STARD13: variants seen among roughly 807,000 people sequenced by gnomAD.
STARD13 encodes the protein StAR related lipid transfer domain containing 13.
A neutral mutation model predicts 106.4 loss-of-function variants in STARD13; 62 were observed. The ratio of observed to expected loss-of-function variants is 0.58; its 90% CI spans 0.48 to 0.72. STARD13 has a LOEUF of 0.72. Ranked by LOEUF, STARD13 falls within the 30% of genes least tolerant of loss-of-function variation. The pLI is 0.00. For synonymous variants in STARD13, 565 were observed against 553.0 expected, an observed-to-expected ratio of 1.02 and a Z score of -0.31; for missense variants, 1,387 against 1,424.0, an observed-to-expected ratio of 0.97 and a Z score of 0.42.
intron 3 of STARD13, among the ~76,000 whole-genome samples, chr13:33,154,419 C>T (rs911620956): frequency 4.6e-5 from 7 of 152,188 alleles, no homozygotes; most frequent in African/African-American, 1.7e-4. Flanking sequence ...AGGGCTCTAG[C>T]TATACAAAGA....
intron 10 of STARD13, among the ~76,000 whole-genome samples, chr13:33,111,215 GACA>G (rs1424465560): frequency 6.6e-6 from 1 of 152,170 alleles, no homozygotes; most frequent in Non-Finnish European, 1.5e-5. Flanking sequence ...TATGGGCTCA[GACA>G]ACTTTACCCA....
In STARD13 at chr13:33,110,936, C is replaced by T. The variant is rs1213845743; in HGVS notation, c.2608-29G>A. The T allele has an allele frequency of 6.3e-6, 10 of 1,583,546 alleles. No individual in the cohort carries two copies. In the South Asian group the frequency reaches 1.0e-4, roughly 16 times the overall value. On this transcript the variant is annotated intron_variant, in intron 10 of 13. Transcript: ENST00000336934. ...GACCAACGGATGCATGAAAGGGCAA[C>T]ACACTGAGCCAAAGAAACGCCGAGA...
At chr13:33,441,130 C>A in the STARD13 span, among the ~76,000 whole-genome samples, 9 of 152,108 alleles carry the variant, frequency 5.9e-5, no homozygotes, top group African/African-American at 2.2e-4. Flanking sequence ...TCAAAGATCA[C>A]CCATGACTCC....
At chr13:33,633,262 T>TGACCACA in the STARD13 span, among the ~76,000 whole-genome samples, 1 of 152,228 alleles carries the variant, frequency 6.6e-6, no homozygotes, top group African/African-American at 2.4e-5. Flanking sequence ...ATTCACTTGA[T>TGACCACA]ATCCTCTTTT....
the STARD13 span, among the ~76,000 whole-genome samples, chr13:33,465,269 G>T: frequency 1.4e-5 from 2 of 143,394 alleles, no homozygotes; most frequent in Admixed American, 1.4e-4. Flanking sequence ...GCAGTGGCGC[G>T]ATCTCGGCTC....
At chr13:33,233,348 T>A (rs1889021433) in intron 1 of STARD13, among the ~76,000 whole-genome samples, 1 of 152,204 alleles carries the variant, frequency 6.6e-6, no homozygotes, top group South Asian at 2.1e-4. Flanking sequence ...CTTTTTTGCA[T>A]ACTCACAAAC....
intron 1 of STARD13, among the ~76,000 whole-genome samples, chr13:33,266,046 A>G (rs1285768809): frequency 6.6e-6 from 1 of 152,144 alleles, no homozygotes; most frequent in African/African-American, 2.4e-5. Flanking sequence ...CCCTCATGGT[A>G]TTTTTCTGAG....
At chr13:33,443,478 GCA>G in the STARD13 span, among the ~76,000 whole-genome samples, 1 of 149,040 alleles carries the variant, frequency 6.7e-6, no homozygotes, top group Non-Finnish European at 1.5e-5. Context: ...AACACTAGAA[GCA>G]CACACTCTAT....
chr13:33,287,548 C>T (rs755167271), upstream of STARD13, among the ~76,000 whole-genome samples: 2 of 152,126 alleles, frequency 1.3e-5, no homozygotes, highest in African/African-American at 2.4e-5. Flanking sequence ...TCCATAGCAT[C>T]GTCTGTGGAA....
the STARD13 span, among the ~76,000 whole-genome samples, chr13:33,356,515 A>G: frequency 1.3e-5 from 2 of 152,198 alleles, no homozygotes; most frequent in Non-Finnish European, 2.9e-5. Context: ...GGTTCATACC[A>G]TGGCTCCGCA....
chr13:33,413,501 A>C, the STARD13 span, among the ~76,000 whole-genome samples: 1 of 152,186 alleles, frequency 6.6e-6, no homozygotes, highest in Admixed American at 6.5e-5. Context: ...ACAAACATTA[A>C]AATTAAAAAC....
chr13:33,145,717 T>C (rs1880438567), intron 3 of STARD13, among the ~76,000 whole-genome samples: 1 of 152,174 alleles, frequency 6.6e-6, no homozygotes, highest in South Asian at 2.1e-4. Context: ...CATACAACAC[T>C]ATACATGAAT....
intron 1 of STARD13, among the ~76,000 whole-genome samples, chr13:33,248,440 A>G (rs952491709): frequency 6.6e-6 from 1 of 152,232 alleles, no homozygotes; most frequent in Non-Finnish European, 1.5e-5. Context: ...CTGGAAGTCT[A>G]TGGCGATCCT....
the STARD13 span, among the ~76,000 whole-genome samples, chr13:33,521,850 A>G: frequency 6.6e-6 from 1 of 152,174 alleles, no homozygotes; most frequent in African/African-American, 2.4e-5. Context: ...CTACAAAAAC[A>G]AAGAAACAAG....
At chr13:33,502,156 G>A in the STARD13 span, among the ~76,000 whole-genome samples, 1 of 152,082 alleles carries the variant, frequency 6.6e-6, no homozygotes, top group Non-Finnish European at 1.5e-5. Flanking sequence ...ATTGTGAATG[G>A]GAGTTAACTC....
the STARD13 span, among the ~76,000 whole-genome samples, chr13:33,668,744 T>A: frequency 6.6e-6 from 1 of 152,204 alleles, no homozygotes; most frequent in Non-Finnish European, 1.5e-5. Flanking sequence ...GTCCTACCTT[T>A]TGTTACAGGG....
chr13:33,138,774 C>T (rs376477831), intron 4 of STARD13: 13 of 444,794 alleles, frequency 2.9e-5, no homozygotes, highest in African/African-American at 8.1e-5. Flanking sequence ...TCCAGTGAGG[C>T]GTGCAGCTAA....
the STARD13 span, among the ~76,000 whole-genome samples, chr13:33,506,466 G>C: frequency 5.4e-3 from 824 of 152,274 alleles, 46 homozygotes; most frequent in East Asian, 0.12. Context: ...TAGAAAATTT[G>C]TATTCACCAC....
intron 9 of STARD13, 149 bp downstream of exon 9, chr13:33,112,572 G>A (rs113268388): frequency 4.4e-5 from 28 of 637,064 alleles, no homozygotes; most frequent in Admixed American, 1.6e-4. Flanking sequence ...TCTACCTATC[G>A]TTGATCTATC....
Sources: gnomAD v4.1 joint callset for allele counts (sites outside exome capture counted in the v4.1 genomes callset) on GRCh38, gnomAD v4.1.1 for gene constraint, MANE v1.5 for transcripts, NCBI Gene and HGNC (gene_info 2026-07-23, HGNC 2026-07-21) for gene names.